Variants in MAPRE2 observed in about 807,000 individuals in gnomAD.
The protein encoded by MAPRE2 is microtubule associated protein RP/EB family member 2, also known as microtubule-associated protein RP/EB family member 2.
MAPRE2 carries 13 observed loss-of-function variants against 43.2 expected under a neutral mutation model. That is an observed-to-expected ratio of 0.30 (90% CI 0.20 to 0.48). The LOEUF (loss-of-function observed/expected upper bound fraction) is 0.48. MAPRE2 is among the 20% of genes least tolerant of loss of function. The pLI, the probability that MAPRE2 is intolerant of heterozygous loss-of-function variation, is 0.99. For missense variants in MAPRE2, 161 were observed against 400.2 expected, an observed-to-expected ratio of 0.40 and a Z score of 5.10; for synonymous variants, 135 against 148.8, an observed-to-expected ratio of 0.91 and a Z score of 0.68.
rs373048018 is a variant in MAPRE2 at position 35,041,448 on chromosome 18, C to G, written c.-92C>G. On this transcript the variant is annotated 5_prime_UTR_variant, in exon 1 of 7. Coordinates refer to ENST00000300249, the MANE Select transcript of MAPRE2 (RefSeq NM_014268.4). ...TGAGCGAGCAGGCGGCAGGCACGGT[C>G]CGTGCGGAGCAGGCGAGCGAGCGGG... is the stretch of plus-strand genomic sequence containing the variant. The G allele has an allele frequency of 1.2e-6, 2 of 1,600,720 alleles. No homozygotes were observed. The highest frequency in any genetic ancestry group is 2.7e-5 in the African/African-American group (2 of 74,768).
chr18:35,120,782 T>A (rs980674327), intron 4 of MAPRE2, among the ~76,000 whole-genome samples: 5 of 152,164 alleles, frequency 3.3e-5, no homozygotes, highest in African/African-American at 1.2e-4. Flanking sequence ...TTTGCCAAGG[T>A]GCAGGGGATA....
intron 1 of MAPRE2, among the ~76,000 whole-genome samples, chr18:35,057,646 T>C (rs1314646050): frequency 1.3e-5 from 2 of 152,136 alleles, no homozygotes; most frequent in Non-Finnish European, 2.9e-5. Context: ...TCTTCTTCTG[T>C]TCCATATACA....
intron 1 of MAPRE2, among the ~76,000 whole-genome samples, chr18:35,058,179 A>ATGG (rs764178396): frequency 1.8e-4 from 27 of 152,328 alleles, no homozygotes; most frequent in East Asian, 5.8e-4. Flanking sequence ...AAGCACAAAT[A>ATGG]TGGCTGGGGG....
Position 34,984,911 on chromosome 18 carries a change from TAA to T in MAPRE2, c.-70+7833_-70+7834del, listed in dbSNP as rs2097018388. On this transcript the variant is annotated intron_variant, in intron 1 of 7. Transcript: ENST00000413393. Reference sequence around the variant, plus strand: ...AATATATAATATATTTTATGTTATATAATATATAATATATTTTATGTTATATA... The same window carrying T: ...AATATATAATATATTTTATGTTATATTATATAATATATTTTATGTTATATA... 4.3e-4 allele frequency among the ~76,000 whole-genome samples: 3 copies of T among 7,010 alleles called. 1 individual carries two copies. In the Admixed American group the frequency reaches 7.7e-3, roughly 18 times the overall value. 4.6% of individuals were successfully genotyped at this position (7,010 alleles called of 152,430 possible).
At chr18:34,985,719 A>ATGTAATATATAAAATATATTAC (rs2097020578) in intron 1 of MAPRE2, among the ~76,000 whole-genome samples, 1 of 94,664 alleles carries the variant, frequency 1.1e-5, no homozygotes, top group African/African-American at 3.3e-5. Flanking sequence ...TATATCATAT[A>ATGTAATATATAAAATATATTAC]ATATGTAATA....
chr18:35,127,349 C>A, intron 5 of MAPRE2: 1 of 396,488 alleles, frequency 2.5e-6, no homozygotes, highest in East Asian at 5.0e-5. Flanking sequence ...CTACCTTCCC[C>A]TCCCCTGCTC....
chr18:35,047,359 A>G (rs1010219717), intron 1 of MAPRE2, among the ~76,000 whole-genome samples: 4 of 152,216 alleles, frequency 2.6e-5, no homozygotes, highest in African/African-American at 9.7e-5. Context: ...TATCTGAAGC[A>G]CTATTCCAAC....
At chr18:35,022,546 T>C (rs1179049080) in intron 2 of MAPRE2, among the ~76,000 whole-genome samples, 1 of 152,244 alleles carries the variant, frequency 6.6e-6, no homozygotes, top group Admixed American at 6.5e-5. Context: ...CATTTGACTT[T>C]GATGTTTTCA....
chr18:35,062,943 T>C (rs193072618), intron 1 of MAPRE2, among the ~76,000 whole-genome samples: 1 of 152,330 alleles, frequency 6.6e-6, no homozygotes, highest in African/African-American at 2.4e-5. Flanking sequence ...CTGTTGGTAG[T>C]GGATTACTTT....
intron 2 of MAPRE2, among the ~76,000 whole-genome samples, chr18:35,019,771 C>T (rs2097040785): frequency 6.6e-6 from 1 of 152,000 alleles, no homozygotes; most frequent in Non-Finnish European, 1.5e-5. Flanking sequence ...TTAAATAATA[C>T]TCTGAGTGGC....
chr18:35,032,789 T>C (rs146254038), intron 2 of MAPRE2, among the ~76,000 whole-genome samples: 1 of 152,158 alleles, frequency 6.6e-6, no homozygotes, highest in East Asian at 1.9e-4. Flanking sequence ...ACTTTAAACA[T>C]TTGTTTGTTT....
intron 2 of MAPRE2, among the ~76,000 whole-genome samples, chr18:35,095,212 A>G (rs1159636012): frequency 6.6e-6 from 1 of 152,192 alleles, no homozygotes; most frequent in Non-Finnish European, 1.5e-5. Context: ...GATAAGCAAG[A>G]TATAAAAATA....
chr18:34,984,340 G>C (rs2097017906), intron 1 of MAPRE2: 1 of 152,082 alleles, frequency 6.6e-6, no homozygotes, highest in African/African-American at 2.4e-5. Flanking sequence ...GTTTCATTTA[G>C]ATAATAGAGC....
chr18:35,035,269 A>C (rs1434939537), intron 2 of MAPRE2, among the ~76,000 whole-genome samples: 4 of 151,168 alleles, frequency 2.6e-5, no homozygotes, highest in Non-Finnish European at 4.4e-5. Context: ...AGGACAAAAA[A>C]CCAAACACCG....
chr18:35,070,940 T>TG (rs1907087640), intron 2 of MAPRE2, among the ~76,000 whole-genome samples: 1 of 152,184 alleles, frequency 6.6e-6, no homozygotes, highest in South Asian at 2.1e-4. Flanking sequence ...CCACCTGCTC[T>TG]GGGAAGCATT....
chr18:35,139,020 G>C (rs1266122516), intron 6 of MAPRE2, among the ~76,000 whole-genome samples: 1 of 152,140 alleles, frequency 6.6e-6, no homozygotes, highest in Non-Finnish European at 1.5e-5. Flanking sequence ...CCTGACCTCA[G>C]TAACCTCAGC....
At chr18:35,022,740 T>G (rs964591928) in intron 2 of MAPRE2, among the ~76,000 whole-genome samples, 2 of 152,160 alleles carry the variant, frequency 1.3e-5, no homozygotes, top group African/African-American at 4.8e-5. Context: ...CAGAACATAA[T>G]GTAGATGCTA....
At chr18:35,051,623 T>C (rs1223939744) in intron 1 of MAPRE2, among the ~76,000 whole-genome samples, 5 of 152,120 alleles carry the variant, frequency 3.3e-5, no homozygotes, top group Non-Finnish European at 7.4e-5. Flanking sequence ...CCAGTTGGGG[T>C]CCTCAAAGTG....
intron 1 of MAPRE2, among the ~76,000 whole-genome samples, chr18:34,992,818 C>T (rs984310582): frequency 1.3e-5 from 2 of 152,072 alleles, no homozygotes; most frequent in Non-Finnish European, 2.9e-5. Context: ...GTGTGATTTC[C>T]GGCAGATCAG....
Sources: allele counts gnomAD v4.1 joint callset (sites outside exome capture counted in the v4.1 genomes callset), GRCh38; gene constraint gnomAD v4.1.1; transcripts MANE v1.5; gene names NCBI Gene and HGNC (gene_info 2026-07-23, HGNC 2026-07-21).